Variants in NHSL2 observed in about 807,000 individuals in gnomAD.
The protein encoded by NHSL2 is NHS-like protein 2.
NHSL2 carries 27 observed loss-of-function variants against 53.4 expected under a neutral mutation model. The ratio of observed to expected loss-of-function variants is 0.51; its 90% CI spans 0.37 to 0.70. The LOEUF (loss-of-function observed/expected upper bound fraction) is 0.70, where lower values mean the gene tolerates loss of function less well. NHSL2 is among the 30% of genes least tolerant of loss of function. NHSL2 has a pLI of 0.00. For synonymous variants in NHSL2, 408 were observed against 404.1 expected, an observed-to-expected ratio of 1.01 and a Z score of -0.12; for missense variants, 892 against 980.1, an observed-to-expected ratio of 0.91 and a Z score of 1.20.
At chrX:71,940,490 G>T (rs1002968115) in intron 1 of NHSL2, among the ~76,000 whole-genome samples, 1 of 111,661 alleles carries the variant, frequency 9.0e-6, no homozygotes, top group East Asian at 2.8e-4. Flanking sequence ...AGAAGAGGCT[G>T]ACAGTAGAGA....
intron 1 of NHSL2, among the ~76,000 whole-genome samples, chrX:72,110,665 A>G (rs1187029238): frequency 1.0e-5 from 1 of 99,605 alleles, no homozygotes; most frequent in Non-Finnish European, 2.0e-5. Flanking sequence ...TGTAGGCCCT[A>G]GACTTTGGAC....
intron 1 of NHSL2, among the ~76,000 whole-genome samples, chrX:72,030,175 G>A (rs1414882888): frequency 8.9e-6 from 1 of 112,341 alleles, no homozygotes; most frequent in Non-Finnish European, 1.9e-5. Context: ...GAATAACAGA[G>A]GTGAGAGATG....
At chrX:71,958,584 C>T (rs1181869561) in intron 1 of NHSL2, among the ~76,000 whole-genome samples, 2 of 111,474 alleles carry the variant, frequency 1.8e-5, no homozygotes, top group Non-Finnish European at 3.8e-5. Flanking sequence ...TTGGGCTGCC[C>T]CAAAACTACA....
intron 1 of NHSL2, among the ~76,000 whole-genome samples, chrX:72,034,611 A>G (rs1386154341): frequency 8.0e-5 from 9 of 112,231 alleles, no homozygotes; most frequent in Admixed American, 2.8e-4. Flanking sequence ...TGAAATCACT[A>G]TAAGATTTCA....
chrX:72,128,418 G>A (rs2147504046), intron 1 of NHSL2: 1 of 112,875 alleles, frequency 8.9e-6, no homozygotes, highest in African/African-American at 3.2e-5. Flanking sequence ...GGCAGTTCAG[G>A]CCAGCAGTGG....
intron 1 of NHSL2, among the ~76,000 whole-genome samples, chrX:72,035,877 A>G (rs975678223): frequency 9.0e-6 from 1 of 111,709 alleles, no homozygotes; most frequent in East Asian, 2.8e-4. Context: ...CCTGTTTGGA[A>G]CCGGGCAGCA....
At chrX:72,067,471 T>G (rs760607647) in intron 1 of NHSL2, among the ~76,000 whole-genome samples, 2 of 111,921 alleles carry the variant, frequency 1.8e-5, no homozygotes, top group South Asian at 7.5e-4. Flanking sequence ...CTAGCCTCTC[T>G]GAGCTTAAAG....
At chrX:71,917,636 A>C (rs1473593773) in intron 1 of NHSL2, among the ~76,000 whole-genome samples, 1 of 110,731 alleles carries the variant, frequency 9.0e-6, no homozygotes, top group East Asian at 2.9e-4. Flanking sequence ...GGGGCAAGGC[A>C]GAGGAGGCAC....
At chrX:72,027,106 C>G (rs759088699) in intron 1 of NHSL2, among the ~76,000 whole-genome samples, 32 of 112,273 alleles carry the variant, frequency 2.9e-4, no homozygotes, top group African/African-American at 9.1e-4. Context: ...TGCTCCCTTC[C>G]CTACACACCC....
At position 72,152,416 on chromosome X, in the gene NHSL2, G is replaced by A. The variant is rs865878685; in HGVS notation, c.*8842G>A. ...AGTCCAGCACCCTCATCAGTTCTCTGGTTTAGGTCCAGATCTGATGGGACT... is the reference window on the plus strand; with the variant it reads ...AGTCCAGCACCCTCATCAGTTCTCTAGTTTAGGTCCAGATCTGATGGGACT... On this transcript the variant is annotated 3_prime_UTR_variant, in exon 8 of 8. Coordinates refer to ENST00000633930, the MANE Select transcript of NHSL2 (RefSeq NM_001013627.3). The A allele has an allele frequency of 5.0e-5, 3 of 59,840 alleles. No homozygotes were observed. The Admixed American group carries it at 5.3e-4, about 11-fold the overall frequency. The allele number at this position is 59,840 out of a possible 1,213,427, so 4.9% of individuals were successfully genotyped here.
chrX:72,085,344 G>A (rs2041829527), intron 1 of NHSL2, among the ~76,000 whole-genome samples: 1 of 112,402 alleles, frequency 8.9e-6, no homozygotes, highest in African/African-American at 3.2e-5. Context: ...AAGAAAGTAG[G>A]TTTTTACCTT....
intron 1 of NHSL2, among the ~76,000 whole-genome samples, chrX:72,015,718 C>T (rs999512234): frequency 8.9e-6 from 1 of 112,233 alleles, no homozygotes; most frequent in Non-Finnish European, 1.9e-5. Flanking sequence ...TGGTTGTTAT[C>T]ATTTGCCTTT....
chrX:72,109,079 T>C (rs2042069484), intron 1 of NHSL2, among the ~76,000 whole-genome samples: 1 of 111,379 alleles, frequency 9.0e-6, no homozygotes. Flanking sequence ...GTGCGGCTGG[T>C]TCCTTCTTAT....
chrX:72,056,366 G>A (rs1019802727), intron 1 of NHSL2, among the ~76,000 whole-genome samples: 1 of 111,750 alleles, frequency 8.9e-6, no homozygotes, highest in African/African-American at 3.3e-5. Flanking sequence ...TGTAAACTAT[G>A]GAGCATCCAT....
chrX:71,984,781 C>T (rs1215612944), intron 1 of NHSL2, among the ~76,000 whole-genome samples: 3 of 109,948 alleles, frequency 2.7e-5, no homozygotes, highest in South Asian at 3.8e-4. Flanking sequence ...TTATTTTTCA[C>T]ATAAGCCCTT....
rs895449614 is a variant in NHSL2 at position 72,149,271 on chromosome X, A to G, written c.*5697A>G. ...GGGAAAGGTGTTAAGTTTGTTTGGT[A>G]TTGCCAGCTCTTAAATACCTGTCTT... On this transcript the variant is annotated 3_prime_UTR_variant, in exon 8 of 8. Coordinates refer to ENST00000633930, the MANE Select transcript of NHSL2 (RefSeq NM_001013627.3). 1.8e-5 allele frequency: 2 copies of G among 110,774 alleles called. No homozygotes were observed. The highest frequency in any genetic ancestry group is 6.6e-5 in the African/African-American group (2 of 30,428). The allele number at this position is 110,774 out of a possible 1,213,427, so 9.1% of individuals were successfully genotyped here. A position where few individuals can be genotyped will look rare whatever the true frequency, so the allele number is the denominator to read the frequency against.
chrX:72,109,072 C>T (rs765690736), intron 1 of NHSL2, among the ~76,000 whole-genome samples: 32 of 111,161 alleles, frequency 2.9e-4, no homozygotes, highest in African/African-American at 9.2e-4. Flanking sequence ...TCTCTTTGTG[C>T]GGCTGGTTCC....
chrX:71,946,557 G>A (rs921884969), intron 1 of NHSL2, among the ~76,000 whole-genome samples: 2 of 111,672 alleles, frequency 1.8e-5, no homozygotes, highest in African/African-American at 6.5e-5. Flanking sequence ...CTGACAGGGA[G>A]CGGTCGTCTG....
chrX:72,134,412 C>T lies in NHSL2; in HGVS notation c.565-97C>T, dbSNP rs753060420. 1.5e-4 allele frequency: 126 copies of T among 863,808 alleles called. No individual in the cohort carries two copies. In the Middle Eastern group the frequency reaches 2.6e-3, roughly 18 times the overall value. 71.2% of individuals were successfully genotyped at this position (863,808 alleles called of 1,213,427 possible). The stretch of plus-strand genomic sequence containing the variant: ...TGTCCACGCTTTCCTGCCTCCCAGA[C>T]GAAGCCTCCAACTACCCAGCCTAAA... On this transcript the variant is annotated intron_variant, in intron 3 of 7. Transcript: ENST00000633930.
Sources: allele counts gnomAD v4.1 joint callset (sites outside exome capture counted in the v4.1 genomes callset), GRCh38; gene constraint gnomAD v4.1.1; transcripts MANE v1.5; gene names NCBI Gene and HGNC (gene_info 2026-07-23, HGNC 2026-07-21).